The following MALRD1 variants were observed in gnomAD, a reference collection of about 807,000 sequenced individuals.
MALRD1 encodes the protein MAM and LDL-receptor class A domain-containing protein 1.
MALRD1 carries 247 observed loss-of-function variants against 242.1 expected under a neutral mutation model. That is an observed-to-expected ratio of 1.02 (90% CI 0.92 to 1.13). The LOEUF (loss-of-function observed/expected upper bound fraction) is 1.13, where lower values mean the gene tolerates loss of function less well. MALRD1 is among the 50% of genes most tolerant of loss of function. MALRD1 has a pLI of 0.00. For synonymous variants in MALRD1, 995 were observed against 866.6 expected (o/e 1.15, Z -2.60); for missense variants, 2,989 against 2,533.1 (o/e 1.18, Z -3.86).
chr10:19,171,429 CATATATATATAT>C (rs71387049), intron 13 of MALRD1, among the ~76,000 whole-genome samples: 1 of 61,422 alleles, frequency 1.6e-5, no homozygotes, highest in African/African-American at 6.1e-5. Context: ...ATTTTATATA[CATATATATATAT>C]ATATATATAT....
Position 19,667,354 on chromosome 10 carries a change from G to A in MALRD1, c.6138-24928G>A, listed in dbSNP as rs150521656. Among the ~76,000 whole-genome samples the A allele has an allele frequency of 2.9e-3, 438 of 152,280 alleles. 2 individuals are homozygous for A. The highest frequency in any genetic ancestry group is 1.0e-2 in the African/African-American group (415 of 41,564). ...AGCTTACTTAGCAGGGGCCAGCTAT[G>A]AGGTACTGTTCCAGTGTTTTAGTCC... On this transcript the variant is annotated intron_variant, in intron 36 of 39. Coordinates refer to ENST00000454679, the MANE Select transcript of MALRD1 (RefSeq NM_001142308.3).
At chr10:19,049,588 G>A (rs1834425179) in intron 1 of MALRD1, among the ~76,000 whole-genome samples, 1 of 152,168 alleles carries the variant, frequency 6.6e-6, no homozygotes, top group Non-Finnish European at 1.5e-5. Flanking sequence ...AAGTGGGTTG[G>A]TACCAATTGC....
intron 36 of MALRD1, among the ~76,000 whole-genome samples, chr10:19,650,948 T>C (rs1840852500): frequency 6.6e-6 from 1 of 152,128 alleles, no homozygotes; most frequent in African/African-American, 2.4e-5. Context: ...AATTAGAGAA[T>C]GCATCAGGAG....
At chr10:19,362,158 C>A (rs1243793621) in intron 26 of MALRD1, among the ~76,000 whole-genome samples, 2 of 151,914 alleles carry the variant, frequency 1.3e-5, no homozygotes, top group Non-Finnish European at 2.9e-5. Flanking sequence ...AATTTAAGAG[C>A]CAATTATTTC....
chr10:19,324,848 G>C (rs1263113552), intron 22 of MALRD1, among the ~76,000 whole-genome samples: 1 of 151,046 alleles, frequency 6.6e-6, no homozygotes, highest in Non-Finnish European at 1.5e-5. Flanking sequence ...AACCAATATG[G>C]TGTTATTTCT....
At chr10:19,070,250 C>T (rs567819007) in intron 2 of MALRD1, among the ~76,000 whole-genome samples, 1 of 152,120 alleles carries the variant, frequency 6.6e-6, no homozygotes, top group African/African-American at 2.4e-5. Flanking sequence ...ACCCAACCTA[C>T]TGAGAACCAT....
intron 38 of MALRD1, among the ~76,000 whole-genome samples, chr10:19,708,596 G>A (rs1178965452): frequency 5.4e-5 from 6 of 111,936 alleles, no homozygotes; most frequent in Admixed American, 4.4e-4. Context: ...TTCTCCTGCC[G>A]GGGCCTCCCA....
At chr10:19,389,060 C>T in intron 27 of MALRD1, 1 of 350,102 alleles carries the variant, frequency 2.9e-6, no homozygotes, top group South Asian at 2.2e-5. Context: ...TTTACACACT[C>T]AAGAGATGAC....
intron 28 of MALRD1, among the ~76,000 whole-genome samples, chr10:19,396,641 C>T (rs1184782832): frequency 6.6e-6 from 1 of 152,178 alleles, no homozygotes; most frequent in East Asian, 1.9e-4. Context: ...TACTCAACTT[C>T]TGCTATTAGA....
At chr10:19,593,643 A>G (rs991702334) in intron 33 of MALRD1, among the ~76,000 whole-genome samples, 12 of 152,198 alleles carry the variant, frequency 7.9e-5, no homozygotes, top group Non-Finnish European at 8.8e-5. Context: ...CTAATCACCA[A>G]TTAGTTCCGT....
At chr10:19,172,980 A>G (rs1235659076) in intron 13 of MALRD1, among the ~76,000 whole-genome samples, 3 of 152,088 alleles carry the variant, frequency 2.0e-5, no homozygotes, top group Non-Finnish European at 2.9e-5. Flanking sequence ...AAGATTCTAC[A>G]GAAATCATCT....
intron 31 of MALRD1, among the ~76,000 whole-genome samples, chr10:19,530,455 AT>A (rs1834353933): frequency 1.8e-5 from 1 of 54,216 alleles, no homozygotes; most frequent in African/African-American, 3.6e-5. Flanking sequence ...AATATATAAT[AT>A]ATAATAATAA....
intron 18 of MALRD1, among the ~76,000 whole-genome samples, chr10:19,241,717 CT>C (rs927580988): frequency 6.6e-6 from 1 of 152,042 alleles, no homozygotes; most frequent in Non-Finnish European, 1.5e-5. Context: ...CTTAGAACTG[CT>C]TTTGCTACGT....
intron 26 of MALRD1, among the ~76,000 whole-genome samples, chr10:19,363,095 A>G (rs554615597): frequency 6.6e-6 from 1 of 152,224 alleles, no homozygotes; most frequent in African/African-American, 2.4e-5. Flanking sequence ...TACAGATGTC[A>G]ACTCAGCATT....
intron 21 of MALRD1, among the ~76,000 whole-genome samples, chr10:19,308,921 A>G (rs1323568229): frequency 6.6e-6 from 1 of 151,606 alleles, no homozygotes; most frequent in African/African-American, 2.4e-5. Context: ...ACAAGGTAGT[A>G]TGAGAGACTA....
intron 29 of MALRD1, among the ~76,000 whole-genome samples, chr10:19,456,202 G>A (rs984384348): frequency 2.0e-5 from 3 of 151,726 alleles, no homozygotes; most frequent in Admixed American, 6.6e-5. Context: ...CACACCCCCC[G>A]AATAATCTTA....
At chr10:19,592,767 G>GCACA (rs138483194) in intron 33 of MALRD1, among the ~76,000 whole-genome samples, 9 of 104,594 alleles carry the variant, frequency 8.6e-5, no homozygotes, top group South Asian at 3.9e-4. Flanking sequence ...ACACACGCAC[G>GCACA]CACACACACA....
chr10:19,709,243 TAAAAAAAAAA>T (rs557818453), intron 38 of MALRD1, among the ~76,000 whole-genome samples: 1 of 105,972 alleles, frequency 9.4e-6, no homozygotes, highest in Middle Eastern at 4.5e-3. Context: ...CCGTCTGTAC[TAAAAAAAAAA>T]AAAAAAAAAA....
intron 36 of MALRD1, among the ~76,000 whole-genome samples, chr10:19,658,171 A>AC (rs1841257401): frequency 6.6e-6 from 1 of 151,966 alleles, no homozygotes; most frequent in African/African-American, 2.4e-5. Context: ...ACAAAAAAAA[A>AC]CCCACTAATT....
Sources: gnomAD v4.1 joint callset for allele counts (sites outside exome capture counted in the v4.1 genomes callset) on GRCh38, gnomAD v4.1.1 for gene constraint, MANE v1.5 for transcripts, NCBI Gene and HGNC (gene_info 2026-07-23, HGNC 2026-07-21) for gene names.